The following ATP2C2 variants were observed in gnomAD, a reference collection of about 807,000 sequenced individuals.
ATP2C2 encodes the protein ATPase secretory pathway Ca2+ transporting 2, also known as calcium-transporting ATPase type 2C member 2.
Under a neutral mutation model 110.8 loss-of-function variants are expected in ATP2C2, and 171 were observed. The ratio of observed to expected loss-of-function variants is 1.54; its 90% CI spans 1.36 to 1.75. The LOEUF (loss-of-function observed/expected upper bound fraction) is 1.75, where lower values mean the gene tolerates loss of function less well. Among genes scored for constraint, ATP2C2 ranks in the 40% most tolerant of loss-of-function variants. The pLI is 0.00. For synonymous variants in ATP2C2, 804 were observed against 508.4 expected, an observed-to-expected ratio of 1.58 and a Z score of -7.82; for missense variants, 1,963 against 1,235.0, an observed-to-expected ratio of 1.59 and a Z score of -8.84.
intron 1 of ATP2C2, among the ~76,000 whole-genome samples, chr16:84,381,185 G>A (rs980439017): frequency 6.6e-6 from 1 of 152,186 alleles, no homozygotes; most frequent in African/African-American, 2.4e-5. Flanking sequence ...TGCAGGGGTG[G>A]ATCTTTCAGA....
At chr16:84,455,644 G>C (rs1473725876) in intron 21 of ATP2C2, among the ~76,000 whole-genome samples, 1 of 151,768 alleles carries the variant, frequency 6.6e-6, no homozygotes, top group Non-Finnish European at 1.5e-5. Context: ...AACTTTTTAA[G>C]CCTGATACAA....
intron 3 of ATP2C2, among the ~76,000 whole-genome samples, chr16:84,405,724 AG>A (rs67717465): frequency 0.14 from 21,661 of 152,076 alleles, 4,014 homozygotes; most frequent in African/African-American, 0.43. Flanking sequence ...GTTCAAGACC[AG>A]CCCGGCCAAC....
At chr16:84,389,012 C>G (rs1278685716) in intron 1 of ATP2C2, among the ~76,000 whole-genome samples, 1 of 152,090 alleles carries the variant, frequency 6.6e-6, no homozygotes, top group Admixed American at 6.6e-5. Context: ...CCTCGTGATC[C>G]ACCCAAAGTG....
intron 7 of ATP2C2, among the ~76,000 whole-genome samples, chr16:84,417,918 A>G (rs1323919149): frequency 6.6e-6 from 1 of 152,204 alleles, no homozygotes; most frequent in Non-Finnish European, 1.5e-5. Flanking sequence ...GTACATTTTA[A>G]AACCATTTTG....
chr16:84,401,737 G>A (rs1164951598), intron 2 of ATP2C2, among the ~76,000 whole-genome samples: 1 of 152,072 alleles, frequency 6.6e-6, no homozygotes, highest in African/African-American at 2.4e-5. Context: ...CTAAAGCTCT[G>A]CAGTATAATT....
intron 6 of ATP2C2, among the ~76,000 whole-genome samples, chr16:84,415,135 G>A (rs1182763990): frequency 1.3e-5 from 2 of 152,130 alleles, no homozygotes; most frequent in Non-Finnish European, 2.9e-5. Flanking sequence ...CACCCTGAGT[G>A]CTGTGTGCTC....
intron 11 of ATP2C2, among the ~76,000 whole-genome samples, chr16:84,438,581 C>T (rs1043693902): frequency 5.9e-5 from 9 of 152,152 alleles, no homozygotes; most frequent in South Asian, 4.1e-4. Context: ...AGAGTGGGGT[C>T]GCACCGTACA....
chr16:84,411,933 CCTTTCTTTTCTTTT>C (rs544224652), intron 6 of ATP2C2, among the ~76,000 whole-genome samples: 7 of 151,794 alleles, frequency 4.6e-5, no homozygotes, highest in African/African-American at 1.2e-4. Flanking sequence ...TTCTTTCTTT[CCTTTCTTTTCTTTT>C]CTTTCTTTTC....
At position 84,456,426 on chromosome 16, in the gene ATP2C2, T is replaced by G. The variant is rs538782821; in HGVS notation, c.2147+1442T>G. ...AACTGGAAGCATTCCCTTTGAAAACTGGCACAAGACAGGGATGCCCTCTCT... is the reference window on the plus strand; with the variant it reads ...AACTGGAAGCATTCCCTTTGAAAACGGGCACAAGACAGGGATGCCCTCTCT... On this transcript the variant is annotated intron_variant, in intron 21 of 26. Coordinates refer to ENST00000262429, the MANE Select transcript of ATP2C2 (RefSeq NM_014861.4). Among the ~76,000 whole-genome samples, 708 of 151,058 alleles carry G rather than the reference T, an allele frequency of 4.7e-3. 6 individuals carry two copies. The highest frequency in any genetic ancestry group is 0.017 in the African/African-American group (684 of 41,058).
intron 24 of ATP2C2, 153 bp downstream of exon 24, chr16:84,460,954 C>T (rs1296474851): frequency 1.7e-6 from 2 of 1,147,052 alleles, no homozygotes; most frequent in Non-Finnish European, 2.4e-6. Context: ...GCGTGGGGTG[C>T]ATGAGGCAAA....
intron 1 of ATP2C2, among the ~76,000 whole-genome samples, chr16:84,380,043 A>C (rs1008250032): frequency 1.3e-5 from 2 of 152,066 alleles, no homozygotes; most frequent in Non-Finnish European, 2.9e-5. Context: ...TATTATTTTC[A>C]TTTTTTATAT....
At chr16:84,406,639 T>C in intron 3 of ATP2C2, 1 of 985,518 alleles carries the variant, frequency 1.0e-6, no homozygotes, top group Non-Finnish European at 1.2e-6. Flanking sequence ...GGCAGCAAAA[T>C]AGGCTTCTGG....
chr16:84,460,558 G>T (rs766316158), intron 23 of ATP2C2, 96 bp from the exon 24 acceptor site: 2 of 1,566,054 alleles, frequency 1.3e-6, no homozygotes, highest in Non-Finnish European at 1.8e-6. Flanking sequence ...TGCCCCCTGT[G>T]CCAACTTGGC....
At chr16:84,380,952 G>A (rs1368044511) in intron 1 of ATP2C2, among the ~76,000 whole-genome samples, 2 of 152,090 alleles carry the variant, frequency 1.3e-5, no homozygotes, top group African/African-American at 2.4e-5. Context: ...AGGCCGAGGC[G>A]GGCGGATCAT....
chr16:84,384,363 G>A (rs929241683), intron 1 of ATP2C2, among the ~76,000 whole-genome samples: 3 of 152,268 alleles, frequency 2.0e-5, no homozygotes, highest in African/African-American at 7.2e-5. Flanking sequence ...CTCTTGATTT[G>A]AGTTTGTCTA....
At chr16:84,407,130 C>T (rs981996289) in intron 3 of ATP2C2, 1 of 148,552 alleles carries the variant, frequency 6.7e-6, no homozygotes, top group Non-Finnish European at 1.5e-5. Context: ...TAATTCCTTA[C>T]ATGTGTTGAG....
chr16:84,443,536 T>A (rs1223740818), intron 15 of ATP2C2, among the ~76,000 whole-genome samples: 1 of 152,168 alleles, frequency 6.6e-6, no homozygotes, highest in Non-Finnish European at 1.5e-5. Context: ...TCACCCTCCC[T>A]TCCTGCTTCC....
intron 25 of ATP2C2, 78 bp from the exon 26 acceptor site, chr16:84,461,910 C>A (rs1045758905): frequency 5.1e-5 from 82 of 1,605,306 alleles, no homozygotes; most frequent in Non-Finnish European, 6.6e-5. Context: ...TCTGGCTCAG[C>A]GTGGGCAGTC....
intron 21 of ATP2C2, 126 bp from the exon 22 acceptor site, chr16:84,458,994 A>T: frequency 9.8e-7 from 1 of 1,023,558 alleles, no homozygotes. Context: ...CAGCAAGGGG[A>T]ACCAGCAGGG....
Sources: allele counts gnomAD v4.1 joint callset (sites outside exome capture counted in the v4.1 genomes callset), GRCh38; gene constraint gnomAD v4.1.1; transcripts MANE v1.5; gene names NCBI Gene and HGNC (gene_info 2026-07-23, HGNC 2026-07-21).